Variants in ACYP2 observed in about 807,000 individuals in gnomAD.
ACYP2 encodes acylphosphatase-2.
In ACYP2, 12 loss-of-function variants were observed where a neutral mutation model predicts 11.2. That is an observed-to-expected ratio of 1.08 (90% CI 0.69 to 1.74). ACYP2 has a LOEUF of 1.74. Among genes scored for constraint, ACYP2 ranks in the 40% most tolerant of loss-of-function variants. The pLI is 0.00. For missense variants in ACYP2, 134 were observed against 101.9 expected (o/e 1.31, Z -1.35); for synonymous variants, 43 against 32.2 (o/e 1.33, Z -1.13).
At chr2:54,299,905 G>A (rs528016513) in intron 6 of ACYP2, among the ~76,000 whole-genome samples, 1 of 152,238 alleles carries the variant, frequency 6.6e-6, no homozygotes, top group South Asian at 2.1e-4. Flanking sequence ...TAACTTTAAG[G>A]GTCCTCAATG....
chr2:54,210,141 CAAAA>C (rs57860939), intron 6 of ACYP2, among the ~76,000 whole-genome samples: 2,129 of 70,940 alleles, frequency 0.03, 36 homozygotes, highest in African/African-American at 0.093. Context: ...GACTGTGTCT[CAAAA>C]AAAAAAAAAA....
At chr2:54,064,818 GC>G (rs1453930084) in intron 4 of ACYP2, among the ~76,000 whole-genome samples, 4 of 152,194 alleles carry the variant, frequency 2.6e-5, no homozygotes, top group African/African-American at 9.7e-5. Context: ...CAGCACGGTG[GC>G]TCACGCCTGT....
intron 6 of ACYP2, among the ~76,000 whole-genome samples, chr2:54,197,959 ATTGTATTGTATTG>A (rs1684576516): frequency 4.1e-5 from 2 of 49,236 alleles, no homozygotes; most frequent in African/African-American, 1.2e-4. Context: ...ATTGTATTGT[ATTGTATTGTATTG>A]TATTGTATTG....
At position 54,036,384 on chromosome 2, in the gene ACYP2, G is replaced by A. The variant is rs369600734; in HGVS notation, c.63-14574G>A. ...GTTGGGATTACAGGCGTGAGCCACC[G>A]CACCCAGCCCAAAGTCCCTTTTGCC... On this transcript the variant is annotated intron_variant, in intron 2 of 6. Coordinates refer to ENST00000607452, the MANE Select transcript of ACYP2 (RefSeq NM_001320586.2). Among the ~76,000 whole-genome samples, 78 of 152,308 alleles carry A rather than the reference G, an allele frequency of 5.1e-4. 1 individual carries two copies. Among genetic ancestry groups the A allele is most frequent in the African/African-American group, 1.7e-3 (69 of 41,580 alleles).
intron 4 of ACYP2, among the ~76,000 whole-genome samples, chr2:54,128,770 G>C (rs1340722284): frequency 1.3e-5 from 2 of 151,220 alleles, no homozygotes; most frequent in Non-Finnish European, 2.9e-5. Flanking sequence ...TTTTTTTTTA[G>C]GGCAAGCGTG....
At chr2:54,281,400 G>C (rs1688843239) in intron 6 of ACYP2, among the ~76,000 whole-genome samples, 1 of 152,180 alleles carries the variant, frequency 6.6e-6, no homozygotes, top group South Asian at 2.1e-4. Context: ...TGTTATAGGA[G>C]ATACAGATGT....
Position 54,178,736 on chromosome 2 carries a change from A to G in ACYP2, c.404+39988A>G, listed in dbSNP as rs187184512. Among the ~76,000 whole-genome samples, 155 of 152,346 alleles carry G rather than the reference A, an allele frequency of 1.0e-3. 1 individual carries two copies. Among genetic ancestry groups the G allele is most frequent in the Non-Finnish European group, 3.8e-4 (26 of 68,034 alleles). On this transcript the variant is annotated intron_variant, in intron 6 of 6. Transcript: ENST00000607452. ...TGTAAGAGAATACAGTTTGATCACCATGTAACTTGAGTAAAAATAGCACCA... is the reference window on the plus strand; with the variant it reads ...TGTAAGAGAATACAGTTTGATCACCGTGTAACTTGAGTAAAAATAGCACCA...
intron 4 of ACYP2, among the ~76,000 whole-genome samples, chr2:54,129,845 CAAT>C (rs1680791485): frequency 6.8e-6 from 1 of 147,130 alleles, no homozygotes; most frequent in Non-Finnish European, 1.5e-5. Flanking sequence ...TATACATTAA[CAAT>C]AAATATAATA....
chr2:53,990,732 T>G (rs1192732810), intron 2 of ACYP2, among the ~76,000 whole-genome samples: 1 of 151,314 alleles, frequency 6.6e-6, no homozygotes, highest in East Asian at 1.9e-4. Context: ...TGAGAGAGCT[T>G]CTACTGTCAG....
At chr2:54,244,816 T>C (rs1292049235) in intron 6 of ACYP2, among the ~76,000 whole-genome samples, 1 of 152,232 alleles carries the variant, frequency 6.6e-6, no homozygotes, top group Non-Finnish European at 1.5e-5. Context: ...TTTCAATATA[T>C]ACAATGCTTA....
intron 6 of ACYP2, among the ~76,000 whole-genome samples, chr2:54,150,192 T>C (rs911963650): frequency 1.3e-5 from 2 of 152,218 alleles, no homozygotes; most frequent in African/African-American, 2.4e-5. Context: ...GTTTTGGCTA[T>C]GACTGCTTTT....
chr2:54,126,963 A>G (rs1430327712), intron 4 of ACYP2, among the ~76,000 whole-genome samples: 1 of 151,922 alleles, frequency 6.6e-6, no homozygotes, highest in East Asian at 1.9e-4. Context: ...TCAAAAAAAA[A>G]AAAAAAATTG....
intron 2 of ACYP2, among the ~76,000 whole-genome samples, chr2:54,040,907 G>A (rs189031348): frequency 2.2e-3 from 331 of 152,174 alleles, no homozygotes; most frequent in African/African-American, 7.6e-3. Flanking sequence ...TCAACAGAGG[G>A]TTTTTCAAAA....
At chr2:54,254,490 G>C (rs907375606) in intron 6 of ACYP2, 2 of 160,618 alleles carry the variant, frequency 1.2e-5, no homozygotes, top group African/African-American at 4.8e-5. Context: ...CTTCATTAAT[G>C]CCCAGCAATT....
At position 54,153,593 on chromosome 2, in the gene ACYP2, C is replaced by CTT. The variant is rs58880193; in HGVS notation, c.404+14856_404+14857dup. ...TGAAGGTCATTTTGGGTAGTGTGGA[C>CTT]TTTTTTTTTTTTCTTTTTTTTTTTG... On this transcript the variant is annotated intron_variant, in intron 6 of 6. Coordinates refer to ENST00000607452, the MANE Select transcript of ACYP2 (RefSeq NM_001320586.2). 1.0e-3 allele frequency among the ~76,000 whole-genome samples: 138 copies of CTT among 137,688 alleles called. 2 individuals carry two copies. Among genetic ancestry groups the CTT allele is most frequent in the South Asian group, 4.4e-3 (19 of 4,286 alleles). The allele number at this position is 137,688 out of a possible 152,430, so 90.3% of individuals were successfully genotyped here.
intron 6 of ACYP2, among the ~76,000 whole-genome samples, chr2:54,169,817 C>G (rs77168755): frequency 0.026 from 4,008 of 152,260 alleles, 96 homozygotes; most frequent in Non-Finnish European, 0.035. Flanking sequence ...TAAAAACCAG[C>G]AACTACTGCC....
At chr2:54,279,906 G>T (rs1490829622) in intron 6 of ACYP2, among the ~76,000 whole-genome samples, 1 of 152,012 alleles carries the variant, frequency 6.6e-6, no homozygotes, top group East Asian at 1.9e-4. Context: ...TACAGAATAG[G>T]TATCTATTAC....
chr2:54,103,149 G>T (rs796885778), intron 4 of ACYP2, among the ~76,000 whole-genome samples: 61 of 150,154 alleles, frequency 4.1e-4, no homozygotes, highest in African/African-American at 1.3e-3. Flanking sequence ...GCCAGCAAAA[G>T]AAAAAATTTA....
chr2:54,163,617 G>A (rs113719854), intron 6 of ACYP2, among the ~76,000 whole-genome samples: 2,510 of 152,292 alleles, frequency 0.016, 67 homozygotes, highest in African/African-American at 0.056. Context: ...CACTTTGGGA[G>A]GCCTAGGGGG....
Sources: allele counts gnomAD v4.1 joint callset (sites outside exome capture counted in the v4.1 genomes callset), GRCh38; gene constraint gnomAD v4.1.1; transcripts MANE v1.5; gene names NCBI Gene and HGNC (gene_info 2026-07-23, HGNC 2026-07-21).